HMOX1: variants seen among roughly 807,000 people sequenced by gnomAD.
HMOX1 encodes the protein heat shock protein, 32-kD.
A neutral mutation model predicts 27.8 loss-of-function variants in HMOX1; 22 were observed. That is an observed-to-expected ratio of 0.79 (90% CI 0.57 to 1.13). HMOX1 has a LOEUF of 1.13. Among genes scored for constraint, HMOX1 ranks in the 50% most tolerant of loss-of-function variants. HMOX1 has a pLI of 0.00. For missense variants in HMOX1, 379 were observed against 377.7 expected (o/e 1.00, Z -0.03); for synonymous variants, 153 against 151.6 (o/e 1.01, Z -0.07).
intron 3 of HMOX1, among the ~76,000 whole-genome samples, chr22:35,388,968 G>C (rs547945633): frequency 7.2e-5 from 11 of 152,278 alleles, no homozygotes; most frequent in Non-Finnish European, 1.5e-4. Flanking sequence ...CTCAAGAGAA[G>C]AAAGCAGCGG....
At position 35,390,606 on chromosome 22, in the gene HMOX1, AG is replaced by A. The variant is rs1484155833; in HGVS notation, c.736+644del. On this transcript the variant is annotated intron_variant, in intron 4 of 4. Transcript: ENST00000216117. ...AACCTTCAGCGTGTGGCTCTGGGCA[AG>A]CCATGAGACTTCTCCCTACCTCAGT... 8.5e-5 allele frequency among the ~76,000 whole-genome samples: 13 copies of A among 152,304 alleles called. No homozygotes were observed. In the East Asian group the frequency reaches 2.5e-3, roughly 29 times the overall value.
intron 2 of HMOX1, 50 bp from the exon 3 acceptor site, chr22:35,386,634 GT>G: frequency 6.2e-7 from 1 of 1,613,042 alleles, no homozygotes; most frequent in South Asian, 1.1e-5. Context: ...ACGGACAGAG[GT>G]GGGGGTCTTC....
intron 3 of HMOX1, among the ~76,000 whole-genome samples, chr22:35,389,377 TTCCTTCCTTCCTTCCTTC>T (rs1569057508): frequency 7.8e-5 from 6 of 77,400 alleles, no homozygotes; most frequent in South Asian, 5.0e-4. Context: ...CCTTCCTTCC[TTCCTTCCTTCCTTCCTTC>T]CTTTCTTTCT....
At position 35,393,792 on chromosome 22, in the gene HMOX1, C is replaced by T. The variant is rs1931790470; in HGVS notation, c.*194C>T. ...CATCTTCCCCAACGAAAAGCACATC[C>T]AGGCAATGGCCTAAACTTCAGAGGG... On this transcript the variant is annotated 3_prime_UTR_variant, in exon 5 of 5. Coordinates refer to ENST00000216117, the MANE Select transcript of HMOX1 (RefSeq NM_002133.3). 2 of 678,642 alleles carry T rather than the reference C, an allele frequency of 2.9e-6. No individual in the cohort carries two copies. 42.0% of individuals were successfully genotyped at this position (678,642 alleles called of 1,614,324 possible).
At chr22:35,381,625 G>A (rs2071748) in intron 1 of HMOX1, among the ~76,000 whole-genome samples, 67,277 of 151,844 alleles carry the variant, frequency 0.44, 15,966 homozygotes, top group African/African-American at 0.62. Flanking sequence ...CACCCTGGCT[G>A]CGGTGTTCCA....
At position 35,386,688 on chromosome 22, in the gene HMOX1, G is replaced by T. The variant is rs1176147476; in HGVS notation, c.148G>T (p.Val50Leu). 6.2e-7 allele frequency: 1 copy of T among 1,614,166 alleles called. No individual in the cohort carries two copies. Among genetic ancestry groups the T allele is most frequent in the Non-Finnish European group, 8.5e-7 (1 of 1,180,024 alleles). The change falls in exon 3 of 5, where the codon GTG (valine) becomes TTG (leucine). Residue 50 changes from valine (V) to leucine (L), a missense_variant. Transcript: ENST00000216117. ...GACCTGCTCACTCTGCTTTCAGCTGGTGATGGCCTCCCTGTACCACATCTA... is the reference window on the plus strand; with the variant it reads ...GACCTGCTCACTCTGCTTTCAGCTGTTGATGGCCTCCCTGTACCACATCTA... Reference protein sequence around the residue: ...GQVTRDGFKLVMASLYHIYVA... With the variant: ...GQVTRDGFKLLMASLYHIYVA...
In HMOX1 at chr22:35,381,210, G is replaced by T. The variant is rs546313007; in HGVS notation, c.23+14G>T. ...GCAACCCGACAGGCAAGCGCGGGGC[G>T]CGGGACGCGGGACGGGCGCCTTTCT... On this transcript the variant is annotated intron_variant, in intron 1 of 4. Coordinates refer to ENST00000216117, the MANE Select transcript of HMOX1 (RefSeq NM_002133.3). The T allele has an allele frequency of 3.9e-6, 6 of 1,545,152 alleles. No homozygotes were observed. The African/African-American group carries it at 8.2e-5, about 21-fold the overall frequency.
At position 35,393,698 on chromosome 22, in the gene HMOX1, T is replaced by C; in HGVS notation, c.*100T>C. On this transcript the variant is annotated 3_prime_UTR_variant, in exon 5 of 5. Transcript: ENST00000216117. Reference sequence around the variant, plus strand: ...TGGCTGGCTTCCTTACCGTGGGCACTGAAGGCTTTCAGGGCCTCCAGCCCT... The same window carrying C: ...TGGCTGGCTTCCTTACCGTGGGCACCGAAGGCTTTCAGGGCCTCCAGCCCT... 4.1e-6 allele frequency: 6 copies of C among 1,476,032 alleles called. No individual in the cohort carries two copies. Among genetic ancestry groups the C allele is most frequent in the Non-Finnish European group, 5.7e-6 (6 of 1,057,204 alleles). The allele number at this position is 1,476,032 out of a possible 1,614,324, so 91.4% of individuals were successfully genotyped here. A position where few individuals can be genotyped will look rare whatever the true frequency, so the allele number is the denominator to read the frequency against.
intron 4 of HMOX1, among the ~76,000 whole-genome samples, chr22:35,392,752 C>G (rs545181010): frequency 1.2e-4 from 18 of 148,168 alleles, no homozygotes; most frequent in African/African-American, 4.2e-4. Flanking sequence ...GAGTCTCACT[C>G]TGTTGCCCAG....
rs564363548 is a variant in HMOX1, at chr22:35,388,129, AG to A, written c.636+955del. 1.2e-3 allele frequency among the ~76,000 whole-genome samples: 174 copies of A among 143,228 alleles called. 3 individuals are homozygous for A. In the South Asian group the frequency reaches 0.035, roughly 29 times the overall value. 94.0% of individuals were successfully genotyped at this position (143,228 alleles called of 152,430 possible). ...AAATAAAAAATAAAAAAAAATTTAA[AG>A]GAAAAAAATGTTTTTAAAAGAAAAG... is the stretch of plus-strand genomic sequence containing the variant. On this transcript the variant is annotated intron_variant, in intron 3 of 4. Coordinates refer to ENST00000216117, the MANE Select transcript of HMOX1 (RefSeq NM_002133.3).
In HMOX1 at chr22:35,393,592, C is replaced by T. The variant is rs147336201; in HGVS notation, c.861C>T (p.Ala287=). The change falls in exon 5 of 5, where the codon GCC becomes GCT. Residue 287 remains alanine, a synonymous_variant. Transcript: ENST00000216117. ...CGACAGTTGCTGTAGGGCTTTATGC[C>T]ATGTGAATGCAGGCATGCTGGCTCC... ...LVATVAVGLY[A]M 411 of 1,614,138 alleles carry T rather than the reference C, an allele frequency of 2.5e-4. No homozygotes were observed. Among genetic ancestry groups the T allele is most frequent in the Non-Finnish European group, 3.3e-4 (390 of 1,179,998 alleles).
chr22:35,389,645 T>C (rs1601743919), intron 3 of HMOX1, among the ~76,000 whole-genome samples: 1 of 139,872 alleles, frequency 7.1e-6, no homozygotes, highest in Non-Finnish European at 1.5e-5. Context: ...GGTTTCACTA[T>C]GTTGGCTAGG....
At chr22:35,383,065 C>G (rs763998276) in intron 1 of HMOX1, 41 bp from the exon 2 acceptor site, 19 of 1,610,352 alleles carry the variant, frequency 1.2e-5, no homozygotes, top group Non-Finnish European at 1.6e-5. Context: ...GGACCCCACC[C>G]CCAGCCAGCT....
intron 4 of HMOX1, among the ~76,000 whole-genome samples, chr22:35,393,011 C>T (rs543482182): frequency 2.9e-4 from 44 of 152,268 alleles, no homozygotes; most frequent in East Asian, 9.7e-4. Flanking sequence ...CCACTGCGCC[C>T]GGCCCTATCA....
At position 35,386,921 on chromosome 22, in the gene HMOX1, G is replaced by A; in HGVS notation, c.381G>A (p.Glu127=). 1.2e-6 allele frequency: 2 copies of A among 1,614,058 alleles called. No individual in the cohort carries two copies. The highest frequency in any genetic ancestry group is 1.7e-6 in the Non-Finnish European group (2 of 1,180,014). ...RLHEVGRTEP[E]LLVAHAYTRY... ...ACGAGGTGGGGCGCACAGAGCCCGA[G>A]CTGCTGGTGGCCCACGCCTACACCC... The change falls in exon 3 of 5, where the codon GAG becomes GAA. Residue 127 remains glutamate (E), a synonymous_variant. Transcript: ENST00000216117.
rs201879477 is a variant in HMOX1, at chr22:35,393,452, C to G, written c.737-16C>G. On this transcript the variant is annotated splice_polypyrimidine_tract_variant and intron_variant, in intron 4 of 4. Coordinates refer to ENST00000216117, the MANE Select transcript of HMOX1 (RefSeq NM_002133.3). ...ACGCCCACCTGTTAATGACCTTGCC[C>G]CATTTTCTCTTTCAGATTCTGCCCC... The G allele has an allele frequency of 7.9e-5, 127 of 1,614,120 alleles. 1 individual carries two copies. The East Asian group carries it at 2.7e-3, about 34-fold the overall frequency.
At chr22:35,382,877 C>T (rs1161373027) in intron 1 of HMOX1, among the ~76,000 whole-genome samples, 2 of 152,056 alleles carry the variant, frequency 1.3e-5, no homozygotes, top group African/African-American at 2.4e-5. Flanking sequence ...AGGCTGGTCT[C>T]GAACTCCTGA....
intron 3 of HMOX1, among the ~76,000 whole-genome samples, chr22:35,388,813 C>CA (rs397956005): frequency 0.02 from 2,906 of 147,362 alleles, 105 homozygotes; most frequent in African/African-American, 0.066. Flanking sequence ...AAAAAACAAA[C>CA]AAAAAAAAAC....
Position 35,386,798 on chromosome 22 carries a change from G to C in HMOX1, c.258G>C (p.Lys86Asn), listed in dbSNP as rs759817600. Reference protein sequence around the residue: ...PVYFPEELHRKAALEQDLAFW... With the variant: ...PVYFPEELHRNAALEQDLAFW... ...ACTTCCCAGAAGAGCTGCACCGCAA[G>C]GCTGCCCTGGAGCAGGACCTGGCCT... The change falls in exon 3 of 5, where the codon AAG (lysine) becomes AAC (asparagine). Residue 86 changes from lysine to asparagine, a missense_variant. By Grantham distance (94) the Lys-to-Asn change is moderately conservative (BLOSUM62 0). Coordinates refer to ENST00000216117, the MANE Select transcript of HMOX1 (RefSeq NM_002133.3). 6.8e-6 allele frequency: 11 copies of C among 1,614,228 alleles called. No homozygotes were observed. The highest frequency in any genetic ancestry group is 1.7e-5 in the Admixed American group (1 of 60,034).
Sources: allele counts gnomAD v4.1 joint callset (sites outside exome capture counted in the v4.1 genomes callset), GRCh38; gene constraint gnomAD v4.1.1; transcripts MANE v1.5; gene names NCBI Gene and HGNC (gene_info 2026-07-23, HGNC 2026-07-21).